The following CFAP20DC variants were observed in gnomAD, a reference collection of about 807,000 sequenced individuals.
The protein encoded by CFAP20DC is protein CFAP20DC.
In CFAP20DC, 84 loss-of-function variants were observed where a neutral mutation model predicts 101.7. The observed-to-expected ratio is 0.83, with a 90% CI of 0.69 to 0.99. The LOEUF (loss-of-function observed/expected upper bound fraction) is 0.99, where lower values mean the gene tolerates loss of function less well. CFAP20DC is among the 50% of genes least tolerant of loss of function. CFAP20DC has a pLI of 0.00. For synonymous variants in CFAP20DC, 359 were observed against 351.2 expected (o/e 1.02, Z -0.25); for missense variants, 1,007 against 970.3 (o/e 1.04, Z -0.50).
At chr3:58,842,896 G>A (rs557823215) in intron 13 of CFAP20DC, among the ~76,000 whole-genome samples, 131 of 152,308 alleles carry the variant, frequency 8.6e-4, no homozygotes, top group African/African-American at 3.1e-3. Context: ...ACCCCCAGCA[G>A]GGGCACACTG....
intron 13 of CFAP20DC, among the ~76,000 whole-genome samples, chr3:58,845,507 T>C (rs2077551275): frequency 1.3e-5 from 2 of 150,218 alleles, no homozygotes; most frequent in African/African-American, 4.9e-5. Flanking sequence ...GAGCTGAAAT[T>C]GTGGCAATAA....
chr3:58,811,961 C>T (rs1384843592), intron 14 of CFAP20DC, among the ~76,000 whole-genome samples: 2 of 152,050 alleles, frequency 1.3e-5, no homozygotes, highest in Non-Finnish European at 2.9e-5. Context: ...AAAATGCTTA[C>T]CATCACTGGC....
chr3:58,977,981 C>T, intron 4 of CFAP20DC, among the ~76,000 whole-genome samples: 1 of 152,140 alleles, frequency 6.6e-6, no homozygotes, highest in East Asian at 1.9e-4. Flanking sequence ...CCAGCCCCTT[C>T]CTCTCAGGAA....
chr3:58,766,557 T>C (rs1242611202), intron 15 of CFAP20DC, among the ~76,000 whole-genome samples: 7 of 152,244 alleles, frequency 4.6e-5, no homozygotes, highest in Non-Finnish European at 5.9e-5. Context: ...AATTACTTGA[T>C]AATATGTCCA....
At chr3:58,935,442 C>T (rs918295932) in intron 5 of CFAP20DC, among the ~76,000 whole-genome samples, 7 of 151,808 alleles carry the variant, frequency 4.6e-5, no homozygotes, top group African/African-American at 1.7e-4. Context: ...TCATATGGAA[C>T]CAAAAAAGAG....
chr3:58,717,131 T>A (rs1559521686), downstream of CFAP20DC, among the ~76,000 whole-genome samples: 1 of 151,902 alleles, frequency 6.6e-6, no homozygotes, highest in Non-Finnish European at 1.5e-5. This position sits in a 1 kb window ranked among gnomAD's most constrained non-coding sequence, Gnocchi z 4.1. Context: ...CAGTGTAATG[T>A]CATCAATGTA....
At chr3:58,757,485 GT>G (rs2069073983) in intron 15 of CFAP20DC, among the ~76,000 whole-genome samples, 1 of 128,102 alleles carries the variant, frequency 7.8e-6, no homozygotes, top group African/African-American at 3.2e-5. Context: ...GTTTGTCTTT[GT>G]TTATGGTGGT....
chr3:59,044,974 A>G (rs1317371116), intron 3 of CFAP20DC, among the ~76,000 whole-genome samples: 1 of 149,552 alleles, frequency 6.7e-6, no homozygotes, highest in Non-Finnish European at 1.5e-5. Flanking sequence ...AATGCAAAAA[A>G]CCTCCTATTA....
chr3:58,775,024 T>C (rs190750516), intron 15 of CFAP20DC, among the ~76,000 whole-genome samples: 120 of 152,280 alleles, frequency 7.9e-4, no homozygotes, highest in Non-Finnish European at 1.1e-3. Context: ...TCAGTTAACT[T>C]AGAAGGTTTA....
intron 4 of CFAP20DC, among the ~76,000 whole-genome samples, chr3:59,037,034 G>T (rs528194309): frequency 1.4e-4 from 21 of 152,288 alleles, no homozygotes; most frequent in African/African-American, 4.3e-4. Flanking sequence ...AATGGGGAAA[G>T]GATTCCCTAT....
At chr3:58,985,491 T>C (rs958989268) in intron 4 of CFAP20DC, among the ~76,000 whole-genome samples, 4 of 152,104 alleles carry the variant, frequency 2.6e-5, no homozygotes, top group African/African-American at 4.8e-5. Flanking sequence ...AAACTATCAA[T>C]CCCTTGCCTA....
At chr3:58,922,807 G>GT (rs988480259) in intron 5 of CFAP20DC, among the ~76,000 whole-genome samples, 57 of 148,746 alleles carry the variant, frequency 3.8e-4, no homozygotes, top group East Asian at 1.6e-3. Context: ...TCTTTGTTCT[G>GT]TTTTTTTTTC....
intron 3 of CFAP20DC, among the ~76,000 whole-genome samples, chr3:58,736,079 T>C (rs1341224728): frequency 6.6e-6 from 1 of 152,176 alleles, no homozygotes; most frequent in African/African-American, 2.4e-5. Flanking sequence ...AAAGATATTA[T>C]AAGTATACTG....
intron 4 of CFAP20DC, among the ~76,000 whole-genome samples, chr3:59,009,200 C>A (rs1038433253): frequency 6.6e-6 from 1 of 151,904 alleles, no homozygotes; most frequent in Non-Finnish European, 1.5e-5. Context: ...AATTCAAGAA[C>A]AATTTTAAGA....
intron 14 of CFAP20DC, among the ~76,000 whole-genome samples, chr3:58,816,091 CA>C (rs1293521698): frequency 2.0e-5 from 3 of 151,734 alleles, no homozygotes; most frequent in African/African-American, 7.3e-5. Context: ...TTCACAATAG[CA>C]AAGACTGGGA....
chr3:58,836,689 G>C (rs1009146727), intron 13 of CFAP20DC, among the ~76,000 whole-genome samples: 1 of 152,064 alleles, frequency 6.6e-6, no homozygotes, highest in Non-Finnish European at 1.5e-5. Flanking sequence ...GTGCCTGATA[G>C]TCATGGCCCA....
intron 13 of CFAP20DC, among the ~76,000 whole-genome samples, chr3:58,833,838 A>G (rs1360054991): frequency 2.0e-5 from 3 of 152,186 alleles, no homozygotes; most frequent in African/African-American, 7.2e-5. Context: ...CAACTGATGG[A>G]TGAGTTTTTG....
chr3:58,908,839 C>T (rs952525678), intron 6 of CFAP20DC, among the ~76,000 whole-genome samples: 2 of 152,024 alleles, frequency 1.3e-5, no homozygotes, highest in East Asian at 1.9e-4. Flanking sequence ...TGAGCTATGA[C>T]GGCATTAACA....
intron 4 of CFAP20DC, among the ~76,000 whole-genome samples, chr3:58,966,795 G>A (rs535936810): frequency 5.9e-5 from 9 of 152,062 alleles, no homozygotes; most frequent in South Asian, 2.1e-4. Flanking sequence ...AGGATGCTGC[G>A]ATTACAGGCG....
Sources: allele counts gnomAD v4.1 joint callset (sites outside exome capture counted in the v4.1 genomes callset), GRCh38; gene constraint gnomAD v4.1.1; non-coding constraint Gnocchi (gnomAD v3.1); transcripts MANE v1.5; gene names NCBI Gene and HGNC (gene_info 2026-07-23, HGNC 2026-07-21).